The following TNRC6A variants were observed in gnomAD, a reference collection of about 807,000 sequenced individuals.
TNRC6A encodes trinucleotide repeat containing adaptor 6A.
Under a neutral mutation model 221.2 loss-of-function variants are expected in TNRC6A, and 44 were observed. That is an observed-to-expected ratio of 0.20 (90% CI 0.16 to 0.26). The LOEUF (loss-of-function observed/expected upper bound fraction) is 0.26, where lower values mean the gene tolerates loss of function less well. Ranked by LOEUF, TNRC6A falls within the 10% of genes least tolerant of loss-of-function variation. The pLI is 1.00. For synonymous variants in TNRC6A, 847 were observed against 838.5 expected (o/e 1.01, Z -0.18); for missense variants, 2,199 against 2,404.4 (o/e 0.91, Z 1.79).
chr16:24,674,392 G>A (rs1055381768), intron 2 of TNRC6A, among the ~76,000 whole-genome samples: 9 of 152,158 alleles, frequency 5.9e-5, no homozygotes, highest in African/African-American at 1.4e-4. Context: ...GTGACAGAGC[G>A]AGATTCTGTC....
chr16:24,676,943 C>A (rs559400808), intron 2 of TNRC6A, among the ~76,000 whole-genome samples: 2 of 152,032 alleles, frequency 1.3e-5, no homozygotes, highest in African/African-American at 4.8e-5. Context: ...GTTCCTCTAG[C>A]CTTCTTTTCT....
intron 1 of TNRC6A, among the ~76,000 whole-genome samples, chr16:24,620,898 A>G (rs1217234980): frequency 1.3e-5 from 2 of 152,030 alleles, no homozygotes; most frequent in Non-Finnish European, 1.5e-5. Context: ...ATCCTGGCCA[A>G]CATGGTGAAA....
At chr16:24,737,669 TAAC>T (rs1486652859) in intron 2 of TNRC6A, among the ~76,000 whole-genome samples, 2 of 152,264 alleles carry the variant, frequency 1.3e-5, no homozygotes, top group Non-Finnish European at 2.9e-5. Flanking sequence ...TTTTGTATAA[TAAC>T]AAACAAGATT....
intron 2 of TNRC6A, among the ~76,000 whole-genome samples, chr16:24,746,691 T>C (rs2057017875): frequency 6.6e-6 from 1 of 152,202 alleles, no homozygotes; most frequent in Non-Finnish European, 1.5e-5. Context: ...TACTTCCAAA[T>C]TGCTCACCAG....
At chr16:24,715,139 T>A (rs1287509283) in intron 2 of TNRC6A, among the ~76,000 whole-genome samples, 1 of 152,182 alleles carries the variant, frequency 6.6e-6, no homozygotes, top group Non-Finnish European at 1.5e-5. Flanking sequence ...GCCTCTGTAG[T>A]TTTTATATTT....
chr16:24,739,507 C>G (rs1219653367), intron 2 of TNRC6A, among the ~76,000 whole-genome samples: 1 of 116,482 alleles, frequency 8.6e-6, no homozygotes, highest in East Asian at 2.5e-4. Context: ...GAGACAGAGT[C>G]TTGCTCTGTC....
chr16:24,790,269 G>A lies in TNRC6A; in HGVS notation c.1627G>A (p.Gly543Ser). The A allele has an allele frequency of 6.2e-7, 1 of 1,614,200 alleles. No homozygotes were observed. The highest frequency in any genetic ancestry group is 1.1e-5 in the South Asian group (1 of 91,082). ...KCSGPNGQAN[G>S]DTVNATLMQP... ...TTCAGGCCCTAATGGCCAAGCTAAT[G>A]GTGACACTGTGAATGCAACTCTAAT... Residue 543 changes from glycine (G) to serine (S), a missense_variant, in exon 6 of 25, where the codon GGT (glycine) becomes AGT (serine). Coordinates refer to ENST00000395799, the MANE Select transcript of TNRC6A (RefSeq NM_014494.4).
At chr16:24,776,252 T>G in intron 4 of TNRC6A, 1 of 984,454 alleles carries the variant, frequency 1.0e-6, no homozygotes, top group Non-Finnish European at 1.2e-6. Context: ...ATTTCCCTAT[T>G]TGCAGTTTCC....
Position 24,815,251 on chromosome 16 carries a change from G to A in TNRC6A, c.4777G>A (p.Gly1593Ser), listed in dbSNP as rs372114271. Residue 1593 changes from glycine to serine, a missense_variant, in exon 19 of 25, where the codon GGC becomes AGC. Coordinates refer to ENST00000395799, the MANE Select transcript of TNRC6A (RefSeq NM_014494.4). ...PASPPGSIGDGWPRAKSPNGS... is the reference protein window; with the variant it reads ...PASPPGSIGDSWPRAKSPNGS... ...CAGTCCTCCAGGTTCAATAGGAGAT[G>A]GCTGGCCACGTGCCAAATCGCCTAA... 1 of 1,614,224 alleles carries A rather than the reference G, an allele frequency of 6.2e-7. No homozygotes were observed. Among genetic ancestry groups the A allele is most frequent in the South Asian group, 1.1e-5 (1 of 91,080 alleles).
At chr16:24,677,098 A>G (rs1382771206) in intron 2 of TNRC6A, among the ~76,000 whole-genome samples, 1 of 151,128 alleles carries the variant, frequency 6.6e-6, no homozygotes, top group Non-Finnish European at 1.5e-5. Context: ...CTTAAATTCA[A>G]CATGTCCAAC....
At chr16:24,816,227 G>A (rs1400708330) in intron 19 of TNRC6A, 1 of 152,246 alleles carries the variant, frequency 6.6e-6, no homozygotes, top group African/African-American at 2.4e-5. Context: ...TACTCGGGAG[G>A]CTGAGGCAGG....
At chr16:24,670,753 C>A (rs545236924) in intron 2 of TNRC6A, among the ~76,000 whole-genome samples, 1 of 152,116 alleles carries the variant, frequency 6.6e-6, no homozygotes, top group Non-Finnish European at 1.5e-5. Context: ...CTGTGCATCA[C>A]GCATCAGCTG....
At chr16:24,650,093 G>A (rs1902555370) in intron 2 of TNRC6A, among the ~76,000 whole-genome samples, 1 of 151,446 alleles carries the variant, frequency 6.6e-6, no homozygotes, top group African/African-American at 2.4e-5. Context: ...CAAAGTGCTG[G>A]GATTACAGGT....
At chr16:24,706,819 G>T (rs1024993843) in intron 2 of TNRC6A, among the ~76,000 whole-genome samples, 89 of 151,522 alleles carry the variant, frequency 5.9e-4, no homozygotes, top group Non-Finnish European at 2.1e-4. Flanking sequence ...AACCATATTT[G>T]AAATCAGAGA....
intron 19 of TNRC6A, 197 bp from the exon 20 acceptor site, chr16:24,816,619 A>C (rs1047744586): frequency 8.1e-6 from 5 of 617,288 alleles, no homozygotes; most frequent in African/African-American, 7.4e-5. Context: ...TTCAGTTGTA[A>C]AAACTTGCAA....
intron 4 of TNRC6A, among the ~76,000 whole-genome samples, chr16:24,760,068 C>G (rs949781556): frequency 3.3e-5 from 5 of 152,166 alleles, no homozygotes; most frequent in African/African-American, 1.2e-4. Flanking sequence ...CCTCCCTTGA[C>G]CTAACCAGCC....
At chr16:24,812,118 C>T (rs1305017295) in intron 18 of TNRC6A, among the ~76,000 whole-genome samples, 1 of 135,898 alleles carries the variant, frequency 7.4e-6, no homozygotes, top group Non-Finnish European at 1.5e-5. Context: ...ATGCAAATCT[C>T]TGCTCACTGC....
intron 4 of TNRC6A, among the ~76,000 whole-genome samples, chr16:24,768,879 A>ATT (rs2057531691): frequency 6.6e-6 from 1 of 152,226 alleles, no homozygotes; most frequent in African/African-American, 2.4e-5. Context: ...GGCTTGAGGT[A>ATT]TTAAGGCATG....
At chr16:24,780,937 G>A (rs1186743223) in intron 5 of TNRC6A, among the ~76,000 whole-genome samples, 1 of 149,614 alleles carries the variant, frequency 6.7e-6, no homozygotes, top group African/African-American at 2.5e-5. Flanking sequence ...CCTCCTTGCT[G>A]TCTTGCAACT....
Sources: allele counts gnomAD v4.1 joint callset (sites outside exome capture counted in the v4.1 genomes callset), GRCh38; gene constraint gnomAD v4.1.1; transcripts MANE v1.5; gene names NCBI Gene and HGNC (gene_info 2026-07-23, HGNC 2026-07-21).